The following NGEF variants were observed in gnomAD, a reference collection of about 807,000 sequenced individuals.
The protein encoded by NGEF is neuronal guanine nucleotide exchange factor.
NGEF carries 31 observed loss-of-function variants against 80.9 expected under a neutral mutation model. The ratio of observed to expected loss-of-function variants is 0.38; its 90% CI spans 0.29 to 0.52. NGEF has a LOEUF of 0.52. Ranked by LOEUF, NGEF falls within the 20% of genes least tolerant of loss-of-function variation. The pLI is 0.84. For synonymous variants in NGEF, 371 were observed against 370.2 expected (o/e 1.00, Z -0.03); for missense variants, 709 against 926.2 (o/e 0.77, Z 3.04).
chr2:232,986,412 C>T (rs1694532759), intron 1 of NGEF, among the ~76,000 whole-genome samples: 1 of 152,190 alleles, frequency 6.6e-6, no homozygotes. Flanking sequence ...TCTACACAAC[C>T]ATGTTCATTA....
chr2:233,002,113 G>A (rs931080139), intron 1 of NGEF, among the ~76,000 whole-genome samples: 1 of 152,148 alleles, frequency 6.6e-6, no homozygotes, highest in Admixed American at 6.5e-5. Context: ...CACAGGATTT[G>A]GGTAAACCCT....
intron 1 of NGEF, among the ~76,000 whole-genome samples, chr2:233,002,796 T>C (rs910273363): frequency 2.6e-5 from 4 of 152,188 alleles, no homozygotes; most frequent in African/African-American, 9.6e-5. Flanking sequence ...TTCCCTCCTC[T>C]CTTCATGTCA....
At chr2:232,984,053 A>G (rs1694488802) in intron 1 of NGEF, among the ~76,000 whole-genome samples, 1 of 152,206 alleles carries the variant, frequency 6.6e-6, no homozygotes, top group South Asian at 2.1e-4. Context: ...AAATGTGAAG[A>G]GCATGCGCTT....
intron 1 of NGEF, among the ~76,000 whole-genome samples, chr2:232,977,714 C>T (rs62193961): frequency 0.25 from 37,872 of 152,040 alleles, 5,751 homozygotes; most frequent in Non-Finnish European, 0.34. Flanking sequence ...CCGAGGAGCT[C>T]ACCCAGCAAA....
At chr2:232,903,362 G>A (rs1692410094) in intron 5 of NGEF, among the ~76,000 whole-genome samples, 2 of 151,894 alleles carry the variant, frequency 1.3e-5, no homozygotes, top group African/African-American at 4.8e-5. Flanking sequence ...CAAAAATGAG[G>A]GTGCTCTATT....
chr2:232,981,954 G>A (rs565014482), intron 1 of NGEF, among the ~76,000 whole-genome samples: 2 of 152,270 alleles, frequency 1.3e-5, no homozygotes, highest in Admixed American at 6.5e-5. Flanking sequence ...CTTGGAGCTC[G>A]CAGGGGCCAC....
chr2:232,886,212 C>G (rs1259234850), intron 9 of NGEF, among the ~76,000 whole-genome samples: 1 of 75,986 alleles, frequency 1.3e-5, no homozygotes, highest in Non-Finnish European at 2.8e-5. Flanking sequence ...GCTATGCATA[C>G]TGTGTGTGAT....
chr2:232,882,702 A>T (rs1035066041), intron 12 of NGEF, among the ~76,000 whole-genome samples: 16 of 152,208 alleles, frequency 1.1e-4, no homozygotes, highest in African/African-American at 3.1e-4. Flanking sequence ...GGTAAGGGGC[A>T]GCTTCGGGGC....
chr2:232,879,575 C>A lies in NGEF; in HGVS notation c.2047G>T (p.Glu683Ter). 1 of 1,613,960 alleles carries A rather than the reference C, an allele frequency of 6.2e-7. No homozygotes were observed. Among genetic ancestry groups the A allele is most frequent in the Non-Finnish European group, 8.5e-7 (1 of 1,180,010 alleles). The part of the protein sequence containing the change: ...NPKIRSQNLK[E>*]CFRVHKMDDP... Reference sequence around the variant, plus strand: ...TCCATCTTGTGGACACGGAAACATTCCTTGAGGTTCTGGGACCGGATCTTG... The same window carrying A: ...TCCATCTTGTGGACACGGAAACATTACTTGAGGTTCTGGGACCGGATCTTG... The change falls in exon 15 of 15, where the codon GAA (glutamate) becomes TAA (stop). Residue 683 changes from glutamate (E) to a stop codon, truncating the protein, a stop_gained. Coordinates refer to ENST00000264051, the MANE Select transcript of NGEF (RefSeq NM_019850.3). LOFTEE classifies it high-confidence loss of function.
intron 3 of NGEF, among the ~76,000 whole-genome samples, chr2:232,944,120 G>A (rs1693499779): frequency 6.6e-6 from 1 of 151,974 alleles, no homozygotes; most frequent in African/African-American, 2.4e-5. Flanking sequence ...TGTAATCCCA[G>A]CTACTTGGGA....
intron 3 of NGEF, among the ~76,000 whole-genome samples, chr2:232,937,131 G>A (rs1275643331): frequency 6.6e-6 from 1 of 152,006 alleles, no homozygotes; most frequent in African/African-American, 2.4e-5. Flanking sequence ...CACCATGCCT[G>A]GCTCTTTTGT....
At chr2:232,894,594 G>A (rs1293981576) in intron 6 of NGEF, 162 bp downstream of exon 6, 17 of 757,766 alleles carry the variant, frequency 2.2e-5, no homozygotes, top group Non-Finnish European at 3.2e-5. Context: ...GGGGTGGTGA[G>A]GTTTGGATTT....
Position 232,995,163 on chromosome 2 carries a change from ACTGTATATGTGTACAGTATGTATGC to A in NGEF, c.-75+17880_-75+17904del. Among the ~76,000 whole-genome samples, 2 of 34,796 alleles carry A rather than the reference ACTGTATATGTGTACAGTATGTATGC, an allele frequency of 5.7e-5. 1 individual carries two copies. The highest frequency in any genetic ancestry group is 1.3e-4 in the Non-Finnish European group (2 of 15,530). The allele number at this position is 34,796 out of a possible 152,430, so 22.8% of individuals were successfully genotyped here. A position where few individuals can be genotyped will look rare whatever the true frequency, so the allele number is the denominator to read the frequency against. On this transcript the variant is annotated intron_variant, in intron 1 of 14. Transcript: ENST00000264051. Reference sequence around the variant, plus strand: ...GTATGTATATATGTACAGTATGTATACTGTATATGTGTACAGTATGTATGCTGTGTACAGTATGTATACTGTATAT... The same window carrying A: ...GTATGTATATATGTACAGTATGTATATGTGTACAGTATGTATACTGTATAT...
chr2:232,888,354 AGT>A (rs1382080885), intron 8 of NGEF, among the ~76,000 whole-genome samples: 1 of 108,606 alleles, frequency 9.2e-6, no homozygotes, highest in Admixed American at 9.9e-5. Flanking sequence ...ACCTGCAAGC[AGT>A]GTGCACACAT....
chr2:232,927,963 C>A, intron 3 of NGEF: 1 of 1,306,546 alleles, frequency 7.7e-7, no homozygotes, highest in Non-Finnish European at 9.7e-7. Flanking sequence ...TGGTCCACGG[C>A]GCAGGCGGCG....
chr2:232,990,349 A>G (rs1041384432), intron 1 of NGEF, among the ~76,000 whole-genome samples: 4 of 152,152 alleles, frequency 2.6e-5, no homozygotes, highest in African/African-American at 4.8e-5. Flanking sequence ...TAAAGGAACA[A>G]CTTGAGAGAT....
At chr2:232,888,421 C>T (rs910834161) in intron 8 of NGEF, among the ~76,000 whole-genome samples, 3 of 152,214 alleles carry the variant, frequency 2.0e-5, no homozygotes, top group African/African-American at 4.8e-5. Context: ...CATGCACACA[C>T]GTGCATACAT....
intron 1 of NGEF, among the ~76,000 whole-genome samples, chr2:232,987,205 A>T (rs1005986674): frequency 6.6e-6 from 1 of 151,926 alleles, no homozygotes; most frequent in African/African-American, 2.4e-5. Context: ...TTTGGTAGAG[A>T]TGAGGTTTCA....
intron 2 of NGEF, among the ~76,000 whole-genome samples, chr2:232,972,254 A>G (rs1045743901): frequency 6.6e-6 from 1 of 152,178 alleles, no homozygotes; most frequent in Non-Finnish European, 1.5e-5. Context: ...AAAATACTCA[A>G]CAGATTTCAA....
Sources: gnomAD v4.1 joint callset for allele counts (sites outside exome capture counted in the v4.1 genomes callset) on GRCh38, gnomAD v4.1.1 for gene constraint, MANE v1.5 for transcripts, NCBI Gene and HGNC (gene_info 2026-07-23, HGNC 2026-07-21) for gene names.